TACR3: variants seen among roughly 807,000 people sequenced by gnomAD.
The protein encoded by TACR3 is tachykinin receptor 3, also known as neuromedin-K receptor.
In TACR3, 34 loss-of-function variants were observed where a neutral mutation model predicts 35.0. The observed-to-expected ratio is 0.97, with a 90% confidence interval of 0.74 to 1.30. The LOEUF (loss-of-function observed/expected upper bound fraction) is 1.30, where lower values mean the gene tolerates loss of function less well. Ranked by LOEUF, TACR3 falls within the 50% of genes most tolerant of loss-of-function variation. TACR3 has a pLI of 0.00. For synonymous variants in TACR3, 233 were observed against 221.1 expected (o/e 1.05, Z -0.48); for missense variants, 558 against 591.7 (o/e 0.94, Z 0.59).
chr4:103,698,788 A>G (rs1273686170), intron 1 of TACR3, among the ~76,000 whole-genome samples: 1 of 151,342 alleles, frequency 6.6e-6, no homozygotes, highest in African/African-American at 2.4e-5. Flanking sequence ...AAAATAAAAG[A>G]GTGGAATTGA....
intron 1 of TACR3, among the ~76,000 whole-genome samples, chr4:103,704,913 C>G (rs75275828): frequency 2.6e-5 from 4 of 152,244 alleles, no homozygotes; most frequent in South Asian, 4.1e-4. Flanking sequence ...CATATTTATA[C>G]ACAAGGGCAT....
At chr4:103,674,962 T>A (rs561561768) in intron 1 of TACR3, among the ~76,000 whole-genome samples, 14 of 152,336 alleles carry the variant, frequency 9.2e-5, no homozygotes, top group African/African-American at 2.6e-4. Context: ...ATATTTATCC[T>A]CCTAAAGAAT....
chr4:103,639,914 T>A, intron 3 of TACR3, among the ~76,000 whole-genome samples: 1 of 151,992 alleles, frequency 6.6e-6, no homozygotes, highest in Non-Finnish European at 1.5e-5. Flanking sequence ...TAAGCACCAA[T>A]CAATGCTAGC....
chr4:103,696,838 C>T (rs1227108020), intron 1 of TACR3, among the ~76,000 whole-genome samples: 3 of 152,136 alleles, frequency 2.0e-5, no homozygotes, highest in Non-Finnish European at 4.4e-5. Context: ...TTACTTCCAG[C>T]ATTATCACTT....
intron 1 of TACR3, among the ~76,000 whole-genome samples, chr4:103,716,855 A>T (rs933672464): frequency 6.6e-6 from 1 of 152,228 alleles, no homozygotes; most frequent in Non-Finnish European, 1.5e-5. Context: ...TCACACTTCA[A>T]TTGTAGTCTA....
chr4:103,635,900 T>C (rs1447987976), intron 3 of TACR3, among the ~76,000 whole-genome samples: 3 of 151,992 alleles, frequency 2.0e-5, no homozygotes, highest in African/African-American at 7.2e-5. Context: ...TTCCATTGTA[T>C]TGTAAACTTT....
intron 3 of TACR3, among the ~76,000 whole-genome samples, chr4:103,625,298 C>T (rs973778831): frequency 1.3e-5 from 2 of 152,022 alleles, no homozygotes; most frequent in African/African-American, 2.4e-5. Context: ...ACAGAGTGCT[C>T]TCTTGGTGGG....
At chr4:103,629,642 T>G (rs1198714194) in intron 3 of TACR3, among the ~76,000 whole-genome samples, 8 of 149,828 alleles carry the variant, frequency 5.3e-5, no homozygotes, top group African/African-American at 1.2e-4. Flanking sequence ...AATAAAAGAG[T>G]ACACAAACAA....
intron 1 of TACR3, among the ~76,000 whole-genome samples, chr4:103,701,256 C>T (rs1353898061): frequency 6.6e-6 from 1 of 151,862 alleles, no homozygotes; most frequent in East Asian, 1.9e-4. Context: ...ACACCAATAA[C>T]AGACAAACAG....
At chr4:103,637,490 T>C (rs1431223409) in intron 3 of TACR3, among the ~76,000 whole-genome samples, 1 of 152,108 alleles carries the variant, frequency 6.6e-6, no homozygotes, top group African/African-American at 2.4e-5. Flanking sequence ...TCATACTGAA[T>C]GGGCAAAAAC....
chr4:103,673,758 T>C (rs1436073252), intron 1 of TACR3, among the ~76,000 whole-genome samples: 2 of 152,160 alleles, frequency 1.3e-5, no homozygotes, highest in Non-Finnish European at 2.9e-5. Context: ...CTGCAAGGTG[T>C]AATAAAGCAT....
intron 3 of TACR3, among the ~76,000 whole-genome samples, chr4:103,621,204 GT>G (rs1243238015): frequency 3.9e-5 from 6 of 152,302 alleles, no homozygotes; most frequent in African/African-American, 1.4e-4. Flanking sequence ...TTGAAAAGCA[GT>G]GGGGGAAAGC....
At chr4:103,595,687 T>C (rs1723990458) in intron 3 of TACR3, among the ~76,000 whole-genome samples, 1 of 152,130 alleles carries the variant, frequency 6.6e-6, no homozygotes, top group Non-Finnish European at 1.5e-5. Context: ...CTGACAACTA[T>C]TTAGAAAACT....
intron 1 of TACR3, among the ~76,000 whole-genome samples, chr4:103,718,329 T>C (rs1723135951): frequency 6.6e-6 from 1 of 152,158 alleles, no homozygotes; most frequent in Admixed American, 6.5e-5. Context: ...CACCACAAAG[T>C]TGAATTAAAG....
rs182964608 is a variant in TACR3, at chr4:103,617,676, G to A, written c.889-25993C>T. ...TGGAATATCAAAATGATTCATTATC[G>A]TTTAATGTTTATTTGAGTCATAAAT... On this transcript the variant is annotated intron_variant, in intron 3 of 4. Transcript: ENST00000304883. Among the ~76,000 whole-genome samples, 474 of 152,128 alleles carry A rather than the reference G, an allele frequency of 3.1e-3. 9 individuals carry two copies. Among genetic ancestry groups the A allele is most frequent in the Admixed American group, 0.027 (415 of 15,292 alleles).
At chr4:103,686,075 C>G (rs1332334107) in intron 1 of TACR3, among the ~76,000 whole-genome samples, 4 of 152,170 alleles carry the variant, frequency 2.6e-5, no homozygotes, top group Admixed American at 2.6e-4. Flanking sequence ...AGCAACAAAT[C>G]TGCAGTCTAG....
intron 3 of TACR3, among the ~76,000 whole-genome samples, chr4:103,612,547 C>G (rs1225532491): frequency 2.0e-5 from 3 of 151,834 alleles, no homozygotes; most frequent in Admixed American, 2.0e-4. Flanking sequence ...CAGCCTCGCT[C>G]TGTCACCCAG....
At chr4:103,665,156 A>C (rs5000136) in intron 1 of TACR3, among the ~76,000 whole-genome samples, 64,518 of 151,794 alleles carry the variant, frequency 0.43, 16,280 homozygotes, top group African/African-American at 0.72. Flanking sequence ...AATCATTTAG[A>C]TGATTATAAA....
chr4:103,613,534 G>A lies in TACR3; in HGVS notation c.889-21851C>T, dbSNP rs1724560257. 2.7e-5 allele frequency among the ~76,000 whole-genome samples: 4 copies of A among 147,218 alleles called. No homozygotes were observed. The South Asian group carries it at 8.7e-4, about 32-fold the overall frequency. On this transcript the variant is annotated intron_variant, in intron 3 of 4. Coordinates refer to ENST00000304883, the MANE Select transcript of TACR3 (RefSeq NM_001059.3). ...GGTGGAGACGGGGTTTCACTATATT[G>A]GCCAGGCTGGTCTTGATCTCCTGAC...
Sources: allele counts gnomAD v4.1 joint callset (sites outside exome capture counted in the v4.1 genomes callset), GRCh38; gene constraint gnomAD v4.1.1; transcripts MANE v1.5; gene names NCBI Gene and HGNC (gene_info 2026-07-23, HGNC 2026-07-21).